CAMK2D: variants seen among roughly 807,000 people sequenced by gnomAD.
CAMK2D encodes the protein calcium/calmodulin-dependent protein kinase type II subunit delta.
In CAMK2D, 37 loss-of-function variants were observed where a neutral mutation model predicts 84.0. That is an observed-to-expected ratio of 0.44 (90% CI 0.34 to 0.58). The LOEUF is 0.58. Among genes scored for constraint, CAMK2D ranks in the 20% least tolerant of loss-of-function variants. The probability of loss-of-function intolerance (pLI) is 0.02; values close to 1 mark genes in which losing one functional copy is unlikely to be tolerated. For synonymous variants in CAMK2D, 202 were observed against 212.5 expected, an observed-to-expected ratio of 0.95 and a Z score of 0.43; for missense variants, 448 against 652.5, an observed-to-expected ratio of 0.69 and a Z score of 3.41.
intron 4 of CAMK2D, among the ~76,000 whole-genome samples, chr4:113,577,986 T>C (rs1029630620): frequency 2.6e-5 from 4 of 152,262 alleles, no homozygotes; most frequent in African/African-American, 9.6e-5. Flanking sequence ...CTACCATCCT[T>C]CTATAGCTTG....
At chr4:113,659,276 ATTTGATTTTATC>A (rs2099217154) in intron 3 of CAMK2D, among the ~76,000 whole-genome samples, 1 of 152,198 alleles carries the variant, frequency 6.6e-6, no homozygotes, top group African/African-American at 2.4e-5. Flanking sequence ...CTAAACAAAG[ATTTGATTTTATC>A]TTAAACCTGA....
At chr4:113,505,223 G>A (rs532966702) in intron 13 of CAMK2D, among the ~76,000 whole-genome samples, 188 bp from the exon 14 acceptor site, 2 of 152,128 alleles carry the variant, frequency 1.3e-5, no homozygotes, top group Non-Finnish European at 2.9e-5. Context: ...ACACAGGCTG[G>A]ACCATGTCCG....
At chr4:113,529,555 G>A (rs1229153679) in intron 8 of CAMK2D, among the ~76,000 whole-genome samples, 1 of 152,168 alleles carries the variant, frequency 6.6e-6, no homozygotes, top group Non-Finnish European at 1.5e-5. Context: ...AGGTGATTAT[G>A]TTGATAATCT....
At chr4:113,722,833 C>G (rs934329123) in intron 2 of CAMK2D, among the ~76,000 whole-genome samples, 7 of 152,172 alleles carry the variant, frequency 4.6e-5, no homozygotes, top group Non-Finnish European at 7.3e-5. Flanking sequence ...CTAATACATT[C>G]TTCCCAAATT....
At chr4:113,506,131 T>TGAG (rs2098124702) in intron 13 of CAMK2D, among the ~76,000 whole-genome samples, 1 of 152,216 alleles carries the variant, frequency 6.6e-6, no homozygotes, top group East Asian at 1.9e-4. Flanking sequence ...ATAAAATAAA[T>TGAG]GAGTATCAAA....
At chr4:113,595,331 G>A (rs920500201) in intron 4 of CAMK2D, among the ~76,000 whole-genome samples, 3 of 152,074 alleles carry the variant, frequency 2.0e-5, no homozygotes, top group African/African-American at 7.2e-5. Context: ...GAGAATCAAA[G>A]AAGGAATAAG....
chr4:113,606,657 C>T (rs2098979065), intron 4 of CAMK2D, among the ~76,000 whole-genome samples: 1 of 152,094 alleles, frequency 6.6e-6, no homozygotes, highest in African/African-American at 2.4e-5. Context: ...AGATCCAACA[C>T]TCATGTCATC....
At chr4:113,517,756 C>T (rs1345947287) in intron 8 of CAMK2D, 99 bp from the exon 9 acceptor site, 2 of 627,546 alleles carry the variant, frequency 3.2e-6, no homozygotes, top group African/African-American at 3.6e-5. Context: ...GTTGTTAAAA[C>T]AGAGAAAACT....
intron 16 of CAMK2D, among the ~76,000 whole-genome samples, chr4:113,466,583 T>C (rs1365739658): frequency 6.6e-6 from 1 of 152,160 alleles, no homozygotes; most frequent in African/African-American, 2.4e-5. Flanking sequence ...ATTGAAGAAG[T>C]GACATATGAA....
chr4:113,692,666 TCATA>T (rs1320608788), intron 2 of CAMK2D, among the ~76,000 whole-genome samples: 8 of 150,746 alleles, frequency 5.3e-5, no homozygotes, highest in East Asian at 3.9e-4. Flanking sequence ...ATACATATAT[TCATA>T]CATACATACT....
At chr4:113,623,056 C>A (rs1438469203) in intron 3 of CAMK2D, among the ~76,000 whole-genome samples, 1 of 152,038 alleles carries the variant, frequency 6.6e-6, no homozygotes, top group Non-Finnish European at 1.5e-5. Flanking sequence ...AAAATTTACT[C>A]CTTTACAAAA....
intron 5 of CAMK2D, among the ~76,000 whole-genome samples, chr4:113,550,401 G>A (rs762704165): frequency 2.8e-4 from 43 of 152,224 alleles, no homozygotes; most frequent in Non-Finnish European, 5.6e-4. Context: ...TCGAACTCCT[G>A]GGCTCAAGCA....
intron 2 of CAMK2D, among the ~76,000 whole-genome samples, chr4:113,682,098 G>A (rs1007830640): frequency 3.3e-5 from 5 of 152,096 alleles, no homozygotes; most frequent in African/African-American, 1.2e-4. Flanking sequence ...ATATATGATG[G>A]AAGATGATAA....
chr4:113,654,949 C>T (rs1287109445), intron 3 of CAMK2D, among the ~76,000 whole-genome samples: 2 of 151,886 alleles, frequency 1.3e-5, no homozygotes, highest in South Asian at 2.1e-4. Context: ...GTTGAATACG[C>T]ACATCTCAGA....
At chr4:113,704,938 TA>T (rs11297471) in intron 2 of CAMK2D, among the ~76,000 whole-genome samples, 77,250 of 149,266 alleles carry the variant, frequency 0.52, 20,541 homozygotes, top group East Asian at 0.72. Flanking sequence ...TATGGCAGGT[TA>T]AAAAAAAAAA....
intron 15 of CAMK2D, among the ~76,000 whole-genome samples, chr4:113,501,148 A>T (rs1227640876): frequency 1.3e-5 from 2 of 152,078 alleles, no homozygotes; most frequent in Non-Finnish European, 2.9e-5. Flanking sequence ...GACTTTTTTC[A>T]TTCTTTTCAA....
intron 16 of CAMK2D, among the ~76,000 whole-genome samples, chr4:113,496,058 G>A (rs916698267): frequency 6.6e-6 from 1 of 152,182 alleles, no homozygotes; most frequent in East Asian, 1.9e-4. Flanking sequence ...GCGGCATACA[G>A]CGACAGGTCC....
intron 4 of CAMK2D, among the ~76,000 whole-genome samples, chr4:113,604,695 G>T (rs933690953): frequency 6.6e-6 from 1 of 152,138 alleles, no homozygotes; most frequent in African/African-American, 2.4e-5. Context: ...CATTGCTAAA[G>T]ACATAATCCA....
intron 3 of CAMK2D, among the ~76,000 whole-genome samples, chr4:113,621,869 G>A (rs981639418): frequency 6.6e-6 from 1 of 152,046 alleles, no homozygotes; most frequent in Non-Finnish European, 1.5e-5. Flanking sequence ...CCACGCCCAG[G>A]GAAGCACAAG....
Sources: allele counts gnomAD v4.1 joint callset (sites outside exome capture counted in the v4.1 genomes callset), GRCh38; gene constraint gnomAD v4.1.1; transcripts MANE v1.5; gene names NCBI Gene and HGNC (gene_info 2026-07-23, HGNC 2026-07-21).